The following XYLT1 variants were observed in gnomAD, a reference collection of about 807,000 sequenced individuals.
XYLT1 encodes the protein beta-D-xylosyltransferase 1.
XYLT1 carries 36 observed loss-of-function variants against 91.3 expected under a neutral mutation model. The ratio of observed to expected loss-of-function variants is 0.39; its 90% confidence interval spans 0.30 to 0.52. XYLT1 has a LOEUF of 0.52. XYLT1 is among the 20% of genes least tolerant of loss of function. The pLI, the probability that XYLT1 is intolerant of heterozygous loss-of-function variation, is 0.68. For synonymous variants in XYLT1, 588 were observed against 532.0 expected (o/e 1.11, Z -1.45); for missense variants, 1,242 against 1,284.5 (o/e 0.97, Z 0.51).
intron 10 of XYLT1, among the ~76,000 whole-genome samples, chr16:17,123,581 T>A (rs749097324): frequency 1.3e-5 from 2 of 152,226 alleles, no homozygotes; most frequent in Non-Finnish European, 2.9e-5. Context: ...GAGACTTGTT[T>A]TGTGGCCTAT....
At chr16:17,348,063 CAAAGA>C (rs2035169689) in intron 2 of XYLT1, among the ~76,000 whole-genome samples, 2 of 152,032 alleles carry the variant, frequency 1.3e-5, no homozygotes, top group African/African-American at 2.4e-5. Flanking sequence ...TTGGCCAAAG[CAAAGA>C]AAAGTCCTTG....
intron 3 of XYLT1, among the ~76,000 whole-genome samples, chr16:17,217,667 C>A (rs1479735541): frequency 6.6e-6 from 1 of 152,186 alleles, no homozygotes; most frequent in Admixed American, 6.5e-5. Context: ...AATCTGTATT[C>A]AAGGAGCTGA....
chr16:17,286,963 A>AG (rs1217920022), intron 2 of XYLT1, among the ~76,000 whole-genome samples: 2 of 152,148 alleles, frequency 1.3e-5, no homozygotes, highest in Admixed American at 6.5e-5. Context: ...CACCCAGCCA[A>AG]GGCCACGATC....
chr16:17,371,847 T>A (rs1377436951), intron 1 of XYLT1, among the ~76,000 whole-genome samples: 3 of 152,206 alleles, frequency 2.0e-5, no homozygotes, highest in Non-Finnish European at 4.4e-5. Flanking sequence ...AGAGAGTGTA[T>A]GTGTGTGAAT....
intron 9 of XYLT1, 100 bp downstream of exon 9, chr16:17,134,373 C>T: frequency 6.8e-7 from 1 of 1,465,676 alleles, no homozygotes; most frequent in Admixed American, 1.9e-5. Flanking sequence ...GGTGGCATTG[C>T]ATTGCAGATC....
chr16:17,408,431 T>G (rs1055902789), intron 1 of XYLT1, among the ~76,000 whole-genome samples: 2 of 152,212 alleles, frequency 1.3e-5, no homozygotes, highest in African/African-American at 4.8e-5. Flanking sequence ...CTTGGATACT[T>G]AACAATTGCT....
intron 5 of XYLT1, among the ~76,000 whole-genome samples, chr16:17,187,970 G>A (rs1488373057): frequency 6.6e-6 from 1 of 151,994 alleles, no homozygotes; most frequent in Non-Finnish European, 1.5e-5. Flanking sequence ...CTCTGCTCCA[G>A]CTCCTGTTGA....
chr16:17,402,563 G>C (rs2035983552), intron 1 of XYLT1, among the ~76,000 whole-genome samples: 1 of 151,988 alleles, frequency 6.6e-6, no homozygotes, highest in Admixed American at 6.5e-5. Flanking sequence ...TTTATTTGGG[G>C]GCTGTTGGAG....
At chr16:17,276,579 C>T (rs571684415) in intron 2 of XYLT1, among the ~76,000 whole-genome samples, 9 of 152,304 alleles carry the variant, frequency 5.9e-5, no homozygotes, top group African/African-American at 1.7e-4. Flanking sequence ...CCAACTTTCG[C>T]GTGCACTGTC....
intron 2 of XYLT1, among the ~76,000 whole-genome samples, chr16:17,313,076 T>C (rs1368136444): frequency 6.6e-6 from 1 of 152,142 alleles, no homozygotes; most frequent in Admixed American, 6.5e-5. Flanking sequence ...ATAGTCTCTA[T>C]CCCAGCTCAA....
intron 6 of XYLT1, among the ~76,000 whole-genome samples, chr16:17,145,643 T>C (rs1197339099): frequency 6.6e-6 from 1 of 152,234 alleles, no homozygotes; most frequent in Non-Finnish European, 1.5e-5. Flanking sequence ...TGCCTGACCC[T>C]CTCCCAGACT....
rs148913069 is a variant in XYLT1 at position 17,314,599 on chromosome 16, A to G, written c.402+43413T>C. Among the ~76,000 whole-genome samples, 5 of 152,302 alleles carry G rather than the reference A, an allele frequency of 3.3e-5. No individual in the cohort carries two copies. In the East Asian group the frequency reaches 7.7e-4, roughly 23 times the overall value. ...TCAGCTGAGAGCAACATGCGAAACC[A>G]AATTATTATCTATCCCCTCCCATTC... On this transcript the variant is annotated intron_variant, in intron 2 of 11. Coordinates refer to ENST00000261381, the MANE Select transcript of XYLT1 (RefSeq NM_022166.4).
At chr16:17,390,037 C>T (rs1344108588) in intron 1 of XYLT1, among the ~76,000 whole-genome samples, 1 of 152,164 alleles carries the variant, frequency 6.6e-6, no homozygotes, top group African/African-American at 2.4e-5. Context: ...CACTTCACCC[C>T]CTGCCCATCT....
At chr16:17,323,116 A>G (rs2034749039) in intron 2 of XYLT1, among the ~76,000 whole-genome samples, 1 of 151,496 alleles carries the variant, frequency 6.6e-6, no homozygotes, top group Non-Finnish European at 1.5e-5. Context: ...CCATAAACCA[A>G]CTCCTCAAAG....
At chr16:17,375,660 T>G (rs2035590293) in intron 1 of XYLT1, among the ~76,000 whole-genome samples, 1 of 152,230 alleles carries the variant, frequency 6.6e-6, no homozygotes. Context: ...TCAAGTTCGG[T>G]GCTCAAGAGC....
intron 1 of XYLT1, among the ~76,000 whole-genome samples, chr16:17,382,897 G>A (rs2035699587): frequency 6.6e-6 from 1 of 151,846 alleles, no homozygotes; most frequent in African/African-American, 2.4e-5. Flanking sequence ...ACAGAGAAAT[G>A]AAGCAACATA....
At chr16:17,458,824 C>T (rs1022367265) in intron 1 of XYLT1, among the ~76,000 whole-genome samples, 8 of 151,920 alleles carry the variant, frequency 5.3e-5, no homozygotes, top group Admixed American at 4.6e-4. Flanking sequence ...TTGAAGCTGC[C>T]GTTTTGATTG....
At chr16:17,425,016 C>T (rs2036297661) in intron 1 of XYLT1, among the ~76,000 whole-genome samples, 2 of 152,172 alleles carry the variant, frequency 1.3e-5, no homozygotes, top group African/African-American at 4.8e-5. Context: ...GCATCAGCCT[C>T]CACCCTTGAA....
At chr16:17,173,147 G>C (rs2031864129) in intron 5 of XYLT1, among the ~76,000 whole-genome samples, 1 of 152,210 alleles carries the variant, frequency 6.6e-6, no homozygotes, top group African/African-American at 2.4e-5. Context: ...GCTCGCTGAT[G>C]AATTATTTTC....
Sources: allele counts gnomAD v4.1 joint callset (sites outside exome capture counted in the v4.1 genomes callset), GRCh38; gene constraint gnomAD v4.1.1; transcripts MANE v1.5; gene names NCBI Gene and HGNC (gene_info 2026-07-23, HGNC 2026-07-21).